The following CRX variants were observed in gnomAD, a reference collection of about 807,000 sequenced individuals.
CRX encodes cone-rod homeobox.
In CRX, 5 loss-of-function variants were observed where a neutral mutation model predicts 13.1. That is an observed-to-expected ratio of 0.38 (90% CI 0.20 to 0.80). CRX has a LOEUF of 0.80. Ranked by LOEUF, CRX falls within the 30% of genes least tolerant of loss-of-function variation. The pLI is 0.43. For synonymous variants in CRX, 179 were observed against 171.1 expected, an observed-to-expected ratio of 1.05 and a Z score of -0.36; for missense variants, 351 against 391.8, an observed-to-expected ratio of 0.90 and a Z score of 0.88.
chr19:47,824,788 C>T (rs1967955081), intron 1 of CRX, among the ~76,000 whole-genome samples: 1 of 152,118 alleles, frequency 6.6e-6, no homozygotes, highest in African/African-American at 2.4e-5. Flanking sequence ...CAGCCTGGGG[C>T]CTCCCAGGTT....
rs1968155744 is a variant in CRX at position 47,839,023 on chromosome 19, G to T, written c.253-297G>T. On this transcript the variant is annotated intron_variant, in intron 3 of 3. Coordinates refer to ENST00000221996, the MANE Select transcript of CRX (RefSeq NM_000554.6). The surrounding 1 kb of genome is among the most constrained non-coding windows in gnomAD (Gnocchi z 4.6). Reference sequence around the variant, plus strand: ...TGATCATATCGATGGGTAAATGCAGGCATGATGTATGTGCGTATGGTGTAT... The same window carrying T: ...TGATCATATCGATGGGTAAATGCAGTCATGATGTATGTGCGTATGGTGTAT... 6.6e-6 allele frequency among the ~76,000 whole-genome samples: 1 copy of T among 152,048 alleles called. No individual in the cohort carries two copies. Among genetic ancestry groups the T allele is most frequent in the African/African-American group, 2.4e-5 (1 of 41,374 alleles).
chr19:47,839,563 G>C lies in CRX; in HGVS notation c.496G>C (p.Ala166Pro), dbSNP rs988096506. ...AVATVSIWSPASESPLPEAQR... is the reference protein window; with the variant it reads ...AVATVSIWSPPSESPLPEAQR... ...GGCCACTGTGTCCATCTGGAGCCCA[G>C]CCTCAGAGTCCCCTTTGCCTGAGGC... Residue 166 changes from alanine to proline, a missense_variant, in exon 4 of 4, where the codon GCC (alanine) becomes CCC (proline). By Grantham distance (27) the Ala-to-Pro change is conservative (BLOSUM62 -1). Transcript: ENST00000221996. The surrounding 1 kb of genome is among the most constrained non-coding windows in gnomAD (Gnocchi z 4.6). 6.2e-7 allele frequency: 1 copy of C among 1,612,694 alleles called. No homozygotes were observed. Among genetic ancestry groups the C allele is most frequent in the East Asian group, 2.2e-5 (1 of 44,834 alleles).
chr19:47,834,072 C>G (rs578190501), intron 1 of CRX, among the ~76,000 whole-genome samples: 2 of 151,770 alleles, frequency 1.3e-5, no homozygotes, highest in African/African-American at 2.4e-5. Flanking sequence ...CTCAAGTGAT[C>G]CTCCCGCCTT....
intron 1 of CRX, among the ~76,000 whole-genome samples, chr19:47,822,443 T>A (rs7256014): frequency 2.6e-5 from 4 of 152,252 alleles, no homozygotes; most frequent in Non-Finnish European, 5.9e-5. Context: ...CCCTCCCTTG[T>A]TGAGCACTGA....
intron 1 of CRX, among the ~76,000 whole-genome samples, chr19:47,832,144 C>T (rs1216239675): frequency 6.9e-5 from 8 of 115,192 alleles, no homozygotes; most frequent in African/African-American, 1.5e-4. Context: ...CTCGCTCTGT[C>T]GCCCAAGCTG....
intron 1 of CRX, among the ~76,000 whole-genome samples, chr19:47,832,105 G>GTCTTTTTTTTTTTTTTTTT (rs1968054734): frequency 2.2e-5 from 2 of 91,988 alleles, no homozygotes; most frequent in Non-Finnish European, 4.1e-5. Flanking sequence ...GCAGCCTTAT[G>GTCTTTTTTTTTTTTTTTTT]TTTTTTTTTT....
chr19:47,839,551 A>T lies in CRX; in HGVS notation c.484A>T (p.Ile162Phe), dbSNP rs1254761879. The T allele has an allele frequency of 6.2e-7, 1 of 1,612,910 alleles. No individual in the cohort carries two copies. The highest frequency in any genetic ancestry group is 2.2e-5 in the East Asian group (1 of 44,828). Residue 162 changes from isoleucine (I) to phenylalanine (F), a missense_variant, in exon 4 of 4, where the codon ATC becomes TTC. Ile to Phe is a conservative substitution (Grantham distance 21). Transcript: ENST00000221996. The surrounding 1 kb of genome is among the most constrained non-coding windows in gnomAD (Gnocchi z 4.6). ...AACCACGGCAGTGGCCACTGTGTCCATCTGGAGCCCAGCCTCAGAGTCCCC... is the reference window on the plus strand; with the variant it reads ...AACCACGGCAGTGGCCACTGTGTCCTTCTGGAGCCCAGCCTCAGAGTCCCC... ...SPTTAVATVS[I>F]WSPASESPLP...
intron 3 of CRX, among the ~76,000 whole-genome samples, chr19:47,838,700 T>C (rs960976165): frequency 3.9e-5 from 6 of 152,156 alleles, no homozygotes; most frequent in Non-Finnish European, 8.8e-5. Flanking sequence ...TGTATGTATG[T>C]ATAATTGTAT....
At chr19:47,832,105 G>GTTTTTTTTGT (rs1968055129) in intron 1 of CRX, among the ~76,000 whole-genome samples, 1 of 91,988 alleles carries the variant, frequency 1.1e-5, no homozygotes, top group Non-Finnish European at 2.1e-5. Flanking sequence ...GCAGCCTTAT[G>GTTTTTTTTGT]TTTTTTTTTT....
In CRX at chr19:47,839,296, C is replaced by T. The variant is rs1372463762; in HGVS notation, c.253-24C>T. On this transcript the variant is annotated intron_variant, in intron 3 of 3. Transcript: ENST00000221996. The surrounding 1 kb of genome is among the most constrained non-coding windows in gnomAD (Gnocchi z 4.6). Reference sequence around the variant, plus strand: ...TGGGCCTCTTCCCCACTTACCCACCCCCATCTCCGCTCTTATCCCCCAGGT... The same window carrying T: ...TGGGCCTCTTCCCCACTTACCCACCTCCATCTCCGCTCTTATCCCCCAGGT... 6.2e-7 allele frequency: 1 copy of T among 1,609,272 alleles called. No homozygotes were observed. The highest frequency in any genetic ancestry group is 1.7e-5 in the Admixed American group (1 of 59,452).
chr19:47,825,762 A>C (rs1324321531), intron 1 of CRX, among the ~76,000 whole-genome samples: 1 of 151,444 alleles, frequency 6.6e-6, no homozygotes, highest in Non-Finnish European at 1.5e-5. Flanking sequence ...TCTACTAAAA[A>C]TACAAAAAAA....
intron 2 of CRX, among the ~76,000 whole-genome samples, chr19:47,835,639 T>TTTTTTTTTC (rs1289234772): frequency 6.7e-6 from 1 of 148,318 alleles, no homozygotes; most frequent in African/African-American, 2.5e-5. Context: ...TTTTTTTTTT[T>TTTTTTTTTC]CAAGACCGAG....
At chr19:47,832,105 G>GTTTTTTTTTTTGTTTTTTTTT (rs1968055229) in intron 1 of CRX, among the ~76,000 whole-genome samples, 1 of 91,988 alleles carries the variant, frequency 1.1e-5, no homozygotes, top group African/African-American at 4.6e-5. Context: ...GCAGCCTTAT[G>GTTTTTTTTTTTGTTTTTTTTT]TTTTTTTTTT....
Position 47,840,437 on chromosome 19 carries a change from T to A in CRX, c.*470T>A. 1 of 184,418 alleles carries A rather than the reference T, an allele frequency of 5.4e-6. No homozygotes were observed. The highest frequency in any genetic ancestry group is 1.2e-5 in the Non-Finnish European group (1 of 86,698). 11.4% of individuals were successfully genotyped at this position (184,418 alleles called of 1,614,324 possible). On this transcript the variant is annotated 3_prime_UTR_variant, in exon 4 of 4. Coordinates refer to ENST00000221996, the MANE Select transcript of CRX (RefSeq NM_000554.6). Reference sequence around the variant, plus strand: ...TTGTTTTGCAGACACAGTCTAGCTCTGTCGCCCAGGCTGGAGTGCAGTGGC... The same window carrying A: ...TTGTTTTGCAGACACAGTCTAGCTCAGTCGCCCAGGCTGGAGTGCAGTGGC...
intron 1 of CRX, among the ~76,000 whole-genome samples, chr19:47,827,478 C>A (rs1035370706): frequency 6.6e-6 from 1 of 150,534 alleles, no homozygotes; most frequent in Non-Finnish European, 1.5e-5. Flanking sequence ...ACCCCAAATG[C>A]CTTCACTCTC....
rs760080266 is a variant in CRX, at chr19:47,839,509, G to C, written c.442G>C (p.Gly148Arg). Residue 148 changes from glycine to arginine, a missense_variant, in exon 4 of 4, where the codon GGC becomes CGC. By Grantham distance (125) the Gly-to-Arg change is moderately radical. Transcript: ENST00000221996. The surrounding 1 kb of genome is among the most constrained non-coding windows in gnomAD (Gnocchi z 4.6). ...ISDSYSPPLP[G>R]PSGSPTTAVA... Reference sequence around the variant, plus strand: ...AGATTCCTACAGTCCCCCTCTGCCCGGCCCCTCAGGCTCCCCAACCACGGC... The same window carrying C: ...AGATTCCTACAGTCCCCCTCTGCCCCGCCCCTCAGGCTCCCCAACCACGGC... 1 of 1,613,626 alleles carries C rather than the reference G, an allele frequency of 6.2e-7. No individual in the cohort carries two copies. The highest frequency in any genetic ancestry group is 1.3e-5 in the African/African-American group (1 of 74,962).
At position 47,839,449 on chromosome 19, in the gene CRX, T is replaced by C. The variant is rs770828657; in HGVS notation, c.382T>C (p.Ser128Pro). 1.2e-6 allele frequency: 2 copies of C among 1,613,912 alleles called. No homozygotes were observed. Among genetic ancestry groups the C allele is most frequent in the Admixed American group, 1.7e-5 (1 of 59,996 alleles). The change falls in exon 4 of 4, where the codon TCC becomes CCC. Residue 128 changes from serine to proline, a missense_variant. Ser to Pro is a moderately conservative substitution (Grantham distance 74, BLOSUM62 -1). This residue lies in a region of CRX where 253 missense variants were observed against 268.3 expected (regional missense o/e 0.94). Transcript: ENST00000221996. This position sits in a 1 kb window ranked among gnomAD's most constrained non-coding sequence, Gnocchi z 4.6. ...GAAGGCGGGCACGTCCCCAAGACCC[T>C]CCACAGATGTGTGTCCAGACCCTCT... ...KRKAGTSPRPSTDVCPDPLGI... is the reference protein window; with the variant it reads ...KRKAGTSPRPPTDVCPDPLGI...
chr19:47,840,188 C>G lies in CRX; in HGVS notation c.*221C>G. The G allele has an allele frequency of 1.7e-6, 1 of 580,538 alleles. No homozygotes were observed. The highest frequency in any genetic ancestry group is 3.1e-6 in the Non-Finnish European group (1 of 325,424). 36.0% of individuals were successfully genotyped at this position (580,538 alleles called of 1,614,324 possible). A position where few individuals can be genotyped will look rare whatever the true frequency, so the allele number is the denominator to read the frequency against. On this transcript the variant is annotated 3_prime_UTR_variant, in exon 4 of 4. Transcript: ENST00000221996. The stretch of plus-strand genomic sequence containing the variant: ...AGCTCACAGGTCCTAGTGATTCTCT[C>G]AACCCTAACACCGTCTGGCACGATT...
rs1599992873 is a variant in CRX, at chr19:47,840,007, C to G, written c.*40C>G. On this transcript the variant is annotated 3_prime_UTR_variant, in exon 4 of 4. Coordinates refer to ENST00000221996, the MANE Select transcript of CRX (RefSeq NM_000554.6). ...ATCTCTCTCCATCGGGCCTCGGGAC[C>G]CTTTCTCTTCTGAATCTGCTTCCCT... 7 of 1,606,238 alleles carry G rather than the reference C, an allele frequency of 4.4e-6. No individual in the cohort carries two copies. The highest frequency in any genetic ancestry group is 5.9e-6 in the Non-Finnish European group (7 of 1,178,850).
Sources: allele counts gnomAD v4.1 joint callset (sites outside exome capture counted in the v4.1 genomes callset), GRCh38; gene constraint gnomAD v4.1.1; regional missense constraint gnomAD v4.1.1; non-coding constraint Gnocchi (gnomAD v3.1); transcripts MANE v1.5; gene names NCBI Gene and HGNC (gene_info 2026-07-23, HGNC 2026-07-21).